Variants in TXNRD1 observed in about 807,000 individuals in gnomAD.
TXNRD1 encodes thioredoxin reductase 1.
In TXNRD1, 57 loss-of-function variants were observed where a neutral mutation model predicts 80.3. The ratio of observed to expected loss-of-function variants is 0.71; its 90% CI spans 0.57 to 0.89. The LOEUF is 0.89. Among genes scored for constraint, TXNRD1 ranks in the 40% least tolerant of loss-of-function variants. The pLI is 0.00. For missense variants in TXNRD1, 730 were observed against 803.0 expected (o/e 0.91, Z 1.10); for synonymous variants, 291 against 285.2 (o/e 1.02, Z -0.20).
chr12:104,265,889 G>A lies in TXNRD1; in HGVS notation c.304+7810G>A, dbSNP rs1441413466. On this transcript the variant is annotated intron_variant, in intron 3 of 16. Transcript: ENST00000525566. The stretch of plus-strand genomic sequence containing the variant: ...CCCCAAATAAACTCAGGAACGCCCC[G>A]GTGGAAAAAAAAAAAAAAAAAAAGT... 9.5e-6 allele frequency: 9 copies of A among 943,900 alleles called. No individual in the cohort carries two copies. The Admixed American group carries it at 2.6e-4, about 28-fold the overall frequency. The allele number at this position is 943,900 out of a possible 1,614,324, so 58.5% of individuals were successfully genotyped here. A position where few individuals can be genotyped will look rare whatever the true frequency, so the allele number is the denominator to read the frequency against.
rs1453958645 is a variant in TXNRD1, at chr12:104,252,661, TTTATATATA to T, written c.243+985_243+993del. 1.4e-3 allele frequency among the ~76,000 whole-genome samples: 83 copies of T among 58,602 alleles called. 2 individuals carry two copies. Among genetic ancestry groups the T allele is most frequent in the African/African-American group, 2.0e-3 (25 of 12,776 alleles). The allele number at this position is 58,602 out of a possible 152,430, so 38.4% of individuals were successfully genotyped here. ...TCACTGAGAGGTTAATTTATTATTT[TTTATATATA>T]TATATATATATATATATATATTTTT... On this transcript the variant is annotated intron_variant, in intron 2 of 16. Coordinates refer to ENST00000525566, the MANE Select transcript of TXNRD1 (RefSeq NM_001093771.3).
chr12:104,347,081 T>C (rs2036518098), intron 16 of TXNRD1, among the ~76,000 whole-genome samples: 1 of 152,074 alleles, frequency 6.6e-6, no homozygotes, highest in Admixed American at 6.5e-5. Context: ...GGTGACAGAG[T>C]GAGACTGTCT....
chr12:104,299,767 CAA>C (rs35918319), intron 4 of TXNRD1, among the ~76,000 whole-genome samples: 6 of 104,802 alleles, frequency 5.7e-5, no homozygotes, highest in Non-Finnish European at 3.7e-5. Flanking sequence ...GACTCCGTCT[CAA>C]AAAAAAAAAA....
chr12:104,322,595 G>T (rs1325517658), intron 10 of TXNRD1, among the ~76,000 whole-genome samples: 1 of 151,876 alleles, frequency 6.6e-6, no homozygotes, highest in African/African-American at 2.4e-5. Context: ...GGCCAGGCTG[G>T]TCTTGAACTC....
chr12:104,336,722 C>T (rs549126294), intron 15 of TXNRD1, among the ~76,000 whole-genome samples: 4 of 152,158 alleles, frequency 2.6e-5, no homozygotes, highest in Non-Finnish European at 5.9e-5. Flanking sequence ...ATTTATTGAG[C>T]ACTTACTGTG....
At position 104,327,574 on chromosome 12, in the gene TXNRD1, T is replaced by C. The variant is rs749950620; in HGVS notation, c.1445T>C (p.Ile482Thr). Residue 482 changes from isoleucine (I) to threonine (T), a missense_variant, in exon 13 of 17, where the codon ATT (isoleucine) becomes ACT (threonine). Coordinates refer to ENST00000525566, the MANE Select transcript of TXNRD1 (RefSeq NM_001093771.3). ...EQTNVPYIYAIGDILEDKVEL... is the reference protein window; with the variant it reads ...EQTNVPYIYATGDILEDKVEL... ...ACCAATGTGCCTTACATCTATGCCA[T>C]TGGCGATATATTGGAGGATAAGGTG... 31 of 1,613,586 alleles carry C rather than the reference T, an allele frequency of 1.9e-5. No individual in the cohort carries two copies. Among genetic ancestry groups the C allele is most frequent in the African/African-American group, 6.7e-5 (5 of 74,822 alleles).
intron 4 of TXNRD1, among the ~76,000 whole-genome samples, chr12:104,293,576 G>A (rs771580558): frequency 1.4e-4 from 22 of 152,076 alleles, no homozygotes; most frequent in African/African-American, 4.1e-4. Context: ...TCAGCCTCCC[G>A]AATAGCTGGA....
intron 1 of TXNRD1, among the ~76,000 whole-genome samples, chr12:104,228,919 C>CTGTGTTAGCCAGGCTGGTCTCGATCTCT (rs1195169735): frequency 9.2e-5 from 14 of 151,880 alleles, no homozygotes; most frequent in Non-Finnish European, 1.8e-4. Context: ...TGGGGTTTCA[C>CTGTGTTAGCCAGGCTGGTCTCGATCTCT]TGTGTTAGCC....
chr12:104,302,815 A>C (rs910441532), intron 4 of TXNRD1, among the ~76,000 whole-genome samples: 4 of 152,056 alleles, frequency 2.6e-5, no homozygotes, highest in African/African-American at 9.7e-5. Context: ...ATACTTTGCT[A>C]TTTGCTGCTG....
chr12:104,315,223 G>A (rs959379716), intron 6 of TXNRD1, among the ~76,000 whole-genome samples: 1 of 152,190 alleles, frequency 6.6e-6, no homozygotes, highest in Non-Finnish European at 1.5e-5. Context: ...AGTCAAAAAT[G>A]CATTTAATAC....
chr12:104,339,683 T>C (rs2036258211), intron 16 of TXNRD1, among the ~76,000 whole-genome samples: 1 of 152,196 alleles, frequency 6.6e-6, no homozygotes. Flanking sequence ...TTTCAAAAGA[T>C]CAAATGACAG....
chr12:104,280,401 T>C (rs1593744931), intron 3 of TXNRD1: 1 of 152,322 alleles, frequency 6.6e-6, no homozygotes. Context: ...GCCAGCTCCT[T>C]CTTAGGCTCC....
chr12:104,334,740 G>A (rs919780468), intron 15 of TXNRD1, among the ~76,000 whole-genome samples: 1 of 152,180 alleles, frequency 6.6e-6, no homozygotes, highest in Admixed American at 6.5e-5. Flanking sequence ...TCGCGTGCCA[G>A]TTGTCTCAGC....
Position 104,288,957 on chromosome 12 carries a change from C to G in TXNRD1, c.331C>G (p.Leu111Val), listed in dbSNP as rs1372616821. The G allele has an allele frequency of 1.2e-6, 2 of 1,614,032 alleles. No homozygotes were observed. Among genetic ancestry groups the G allele is most frequent in the African/African-American group, 1.3e-5 (1 of 75,052 alleles). The change falls in exon 4 of 17, where the codon CTC becomes GTC. Residue 111 changes from leucine (L) to valine (V), a missense_variant. Physicochemically the swap from Leu to Val is conservative, Grantham distance 32. Transcript: ENST00000525566. ...TEDGRALEGT[L>V]SELAAETDLP... ...GGACGGTCGGGCCCTGGAAGGAACG[C>G]TCTCGGAATTGGCCGCGGAAACCGA...
intron 1 of TXNRD1, among the ~76,000 whole-genome samples, chr12:104,228,641 T>TG (rs1278701245): frequency 6.6e-6 from 1 of 151,978 alleles, no homozygotes; most frequent in Admixed American, 6.6e-5. Flanking sequence ...CAAAATAAAG[T>TG]GGGGGCGGCA....
intron 1 of TXNRD1, among the ~76,000 whole-genome samples, chr12:104,247,160 C>T (rs370387244): frequency 5.9e-5 from 9 of 152,178 alleles, no homozygotes; most frequent in South Asian, 2.1e-4. Context: ...CTATGCCTCC[C>T]GGGTTCAAGT....
intron 3 of TXNRD1, among the ~76,000 whole-genome samples, chr12:104,258,890 A>G (rs2033307751): frequency 6.6e-6 from 1 of 152,142 alleles, no homozygotes. Flanking sequence ...TGATTGCACC[A>G]TTGCACTCTA....
chr12:104,329,839 T>G (rs1314219361), intron 13 of TXNRD1, among the ~76,000 whole-genome samples: 1 of 152,184 alleles, frequency 6.6e-6, no homozygotes, highest in East Asian at 1.9e-4. Flanking sequence ...GGAAAGACCC[T>G]GGGCTCTGTT....
At chr12:104,289,246 A>G (rs11111980) in intron 4 of TXNRD1, 253,621 of 489,442 alleles carry the variant, frequency 0.52, 67,349 homozygotes, top group East Asian at 0.6. Context: ...GGGAAACTTG[A>G]AATTTCTAAC....
Sources: gnomAD v4.1 joint callset for allele counts (sites outside exome capture counted in the v4.1 genomes callset) on GRCh38, gnomAD v4.1.1 for gene constraint, MANE v1.5 for transcripts, NCBI Gene and HGNC (gene_info 2026-07-23, HGNC 2026-07-21) for gene names.